NFIB: variants seen among roughly 807,000 people sequenced by gnomAD.
NFIB encodes the protein nuclear factor 1 B-type.
Under a neutral mutation model 61.5 loss-of-function variants are expected in NFIB, and 11 were observed. The observed-to-expected ratio is 0.18, with a 90% CI of 0.11 to 0.30. The LOEUF (loss-of-function observed/expected upper bound fraction) is 0.30. NFIB is among the 10% of genes least tolerant of loss of function. The pLI is 1.00. For missense variants in NFIB, 471 were observed against 608.9 expected (o/e 0.77, Z 2.38); for synonymous variants, 260 against 216.5 (o/e 1.20, Z -1.76).
At chr9:14,382,297 G>A (rs1170052957) in intron 1 of NFIB, among the ~76,000 whole-genome samples, 5 of 152,192 alleles carry the variant, frequency 3.3e-5, no homozygotes, top group Non-Finnish European at 7.3e-5. Flanking sequence ...AGCAAGGAAT[G>A]TGCAGCTTCT....
At chr9:14,099,927 C>T (rs2035470412) in intron 10 of NFIB, among the ~76,000 whole-genome samples, 1 of 152,082 alleles carries the variant, frequency 6.6e-6, no homozygotes, top group Non-Finnish European at 1.5e-5. Flanking sequence ...CAAAAGTTAG[C>T]CGGGCGTGGC....
intron 1 of NFIB, among the ~76,000 whole-genome samples, chr9:14,385,706 T>A (rs12348386): frequency 0.12 from 18,936 of 152,098 alleles, 1,356 homozygotes; most frequent in Admixed American, 0.2. Flanking sequence ...TAATCTTTTA[T>A]AAATCACTTC....
the NFIB span, among the ~76,000 whole-genome samples, chr9:14,469,626 C>CA: frequency 1.3e-5 from 2 of 152,300 alleles, no homozygotes; most frequent in Non-Finnish European, 2.9e-5. Flanking sequence ...TGTGGGCTCT[C>CA]CTGCATTTAA....
At chr9:14,459,060 T>C in the NFIB span, among the ~76,000 whole-genome samples, 4 of 151,984 alleles carry the variant, frequency 2.6e-5, no homozygotes, top group African/African-American at 9.7e-5. Flanking sequence ...CATTGCCAAG[T>C]CAATCCTAAG....
At chr9:14,232,258 T>C (rs1218626845) in intron 2 of NFIB, among the ~76,000 whole-genome samples, 3 of 152,166 alleles carry the variant, frequency 2.0e-5, no homozygotes, top group South Asian at 2.1e-4. Flanking sequence ...CTTTTTCTCA[T>C]ACAAGAGCCA....
intron 1 of NFIB, among the ~76,000 whole-genome samples, chr9:14,372,740 A>G (rs2061372317): frequency 6.6e-6 from 1 of 152,154 alleles, no homozygotes; most frequent in Admixed American, 6.5e-5. Flanking sequence ...ATAAAATGGC[A>G]TTGCAGTGTC....
chr9:14,304,291 G>T (rs1031519914), intron 2 of NFIB, among the ~76,000 whole-genome samples: 8 of 152,212 alleles, frequency 5.3e-5, no homozygotes, highest in African/African-American at 1.9e-4. Context: ...AAAAGCATAG[G>T]AAGTTGGTCA....
chr9:14,527,520 G>A, the NFIB span, among the ~76,000 whole-genome samples: 2 of 152,176 alleles, frequency 1.3e-5, no homozygotes, highest in Non-Finnish European at 2.9e-5. Flanking sequence ...AGAGAAAACA[G>A]AAATTATTCA....
At chr9:14,196,342 G>A (rs749885330) in intron 2 of NFIB, among the ~76,000 whole-genome samples, 12 of 152,106 alleles carry the variant, frequency 7.9e-5, no homozygotes, top group Non-Finnish European at 1.2e-4. Flanking sequence ...TTAAAAAGCC[G>A]TGTGTTTATG....
At chr9:14,416,159 C>A in the NFIB span, among the ~76,000 whole-genome samples, 302 of 152,276 alleles carry the variant, frequency 2.0e-3, 1 homozygote, top group South Asian at 0.017. Flanking sequence ...CACCACATAA[C>A]CACTTTTAGG....
intron 2 of NFIB, among the ~76,000 whole-genome samples, chr9:14,225,655 C>G (rs979250336): frequency 1.6e-4 from 24 of 151,682 alleles, no homozygotes; most frequent in African/African-American, 5.8e-4. Flanking sequence ...ATATTAAAGT[C>G]TGATATAGAA....
intron 2 of NFIB, among the ~76,000 whole-genome samples, chr9:14,280,356 C>T (rs1264948672): frequency 2.6e-5 from 4 of 152,140 alleles, no homozygotes; most frequent in Non-Finnish European, 5.9e-5. Flanking sequence ...AATACGCACA[C>T]ACACACACAT....
chr9:14,487,589 T>C, the NFIB span, among the ~76,000 whole-genome samples: 2 of 148,304 alleles, frequency 1.3e-5, no homozygotes, highest in Non-Finnish European at 2.9e-5. Context: ...AGATGATAAC[T>C]GGGTGATTTC....
chr9:14,517,013 T>C, the NFIB span, among the ~76,000 whole-genome samples: 1 of 152,214 alleles, frequency 6.6e-6, no homozygotes, highest in African/African-American at 2.4e-5. Flanking sequence ...AATGAACAAC[T>C]GTTGGCATTA....
chr9:14,411,809 A>T, the NFIB span, among the ~76,000 whole-genome samples: 1 of 152,198 alleles, frequency 6.6e-6, no homozygotes, highest in Non-Finnish European at 1.5e-5. Flanking sequence ...AGAATACAGC[A>T]GAATTGATGG....
intron 3 of NFIB, among the ~76,000 whole-genome samples, chr9:14,173,258 A>G (rs1006960267): frequency 2.0e-5 from 3 of 152,160 alleles, no homozygotes; most frequent in Admixed American, 6.5e-5. Context: ...CATTCTCCTG[A>G]TGACCCTTAT....
intron 7 of NFIB, among the ~76,000 whole-genome samples, chr9:14,124,618 T>A (rs2039396175): frequency 6.6e-6 from 1 of 152,216 alleles, no homozygotes; most frequent in Admixed American, 6.5e-5. Context: ...ACAGTTTCAC[T>A]ATTAACATAT....
chr9:14,382,597 C>G (rs574152593), intron 1 of NFIB, among the ~76,000 whole-genome samples: 6 of 152,034 alleles, frequency 3.9e-5, no homozygotes, highest in Non-Finnish European at 7.3e-5. Flanking sequence ...TCTAGTAAGA[C>G]AGGCACACCC....
At chr9:14,511,249 TC>T in the NFIB span, among the ~76,000 whole-genome samples, 1 of 152,218 alleles carries the variant, frequency 6.6e-6, no homozygotes, top group South Asian at 2.1e-4. Context: ...TATTCATAGT[TC>T]GTTTATATTT....
Sources: allele counts gnomAD v4.1 joint callset (sites outside exome capture counted in the v4.1 genomes callset), GRCh38; gene constraint gnomAD v4.1.1; transcripts MANE v1.5; gene names NCBI Gene and HGNC (gene_info 2026-07-23, HGNC 2026-07-21).